The following MFSD11 variants were observed in gnomAD, a reference collection of about 807,000 sequenced individuals.
MFSD11 encodes the protein major facilitator superfamily domain containing 11.
A neutral mutation model predicts 53.5 loss-of-function variants in MFSD11; 36 were observed. That is an observed-to-expected ratio of 0.67 (90% CI 0.52 to 0.89). MFSD11 has a LOEUF of 0.89. Ranked by LOEUF, MFSD11 falls within the 40% of genes least tolerant of loss-of-function variation. MFSD11 has a pLI of 0.00. For missense variants in MFSD11, 530 were observed against 543.9 expected, an observed-to-expected ratio of 0.97 and a Z score of 0.25; for synonymous variants, 186 against 184.9, an observed-to-expected ratio of 1.01 and a Z score of -0.05.
chr17:76,765,771 A>G (rs1227607382), intron 8 of MFSD11, among the ~76,000 whole-genome samples: 1 of 152,088 alleles, frequency 6.6e-6, no homozygotes, highest in Non-Finnish European at 1.5e-5. Flanking sequence ...TTTAGGATCA[A>G]TCTATTTCTG....
At chr17:76,749,688 G>A (rs1425109314) in intron 7 of MFSD11, among the ~76,000 whole-genome samples, 3 of 151,990 alleles carry the variant, frequency 2.0e-5, no homozygotes, top group East Asian at 3.9e-4. Context: ...TCAGGAGATC[G>A]AGACCATCCT....
chr17:76,767,488 T>G, intron 9 of MFSD11, 37 bp downstream of exon 9: 2 of 1,298,544 alleles, frequency 1.5e-6, no homozygotes, highest in Non-Finnish European at 1.1e-6. Context: ...TCTTGCTGCA[T>G]AATGACAATA....
chr17:76,753,687 C>CAAAA (rs11393515), intron 7 of MFSD11, among the ~76,000 whole-genome samples: 5 of 127,182 alleles, frequency 3.9e-5, no homozygotes, highest in Admixed American at 8.3e-5. Flanking sequence ...GACCCTGTCT[C>CAAAA]AAAAAAAAAA....
At chr17:76,765,988 G>A (rs1019454943) in intron 8 of MFSD11, among the ~76,000 whole-genome samples, 2 of 151,016 alleles carry the variant, frequency 1.3e-5, no homozygotes, top group Non-Finnish European at 2.9e-5. Flanking sequence ...CATGGTTTAC[G>A]TTAGGATTCA....
chr17:76,769,556 C>T (rs555215090), intron 9 of MFSD11, 190 bp from the exon 10 acceptor site: 65 of 463,644 alleles, frequency 1.4e-4, no homozygotes, highest in African/African-American at 1.2e-3. Context: ...AACATTTAGT[C>T]CATAGCATGA....
chr17:76,766,334 G>A (rs1455107676), intron 8 of MFSD11, among the ~76,000 whole-genome samples: 1 of 149,598 alleles, frequency 6.7e-6, no homozygotes, highest in Admixed American at 6.7e-5. Context: ...CAGGAGAATC[G>A]CTTGAACCCT....
the MFSD11 span, among the ~76,000 whole-genome samples, chr17:76,798,145 C>G: frequency 6.6e-6 from 1 of 152,156 alleles, no homozygotes; most frequent in Non-Finnish European, 1.5e-5. Context: ...ACCTCAGCCT[C>G]CCAAAGTGCT....
chr17:76,794,725 C>G, the MFSD11 span, among the ~76,000 whole-genome samples: 1 of 115,618 alleles, frequency 8.6e-6, no homozygotes, highest in African/African-American at 3.4e-5. Context: ...TGGAGTGTCA[C>G]TCTGTCACTC....
the MFSD11 span, among the ~76,000 whole-genome samples, chr17:76,802,000 G>T: frequency 6.6e-6 from 1 of 152,024 alleles, no homozygotes; most frequent in South Asian, 2.1e-4. Context: ...TACTGGGCTG[G>T]GCACGGTGGC....
chr17:76,767,689 C>A (rs60052595), intron 9 of MFSD11, among the ~76,000 whole-genome samples: 12,999 of 151,896 alleles, frequency 0.086, 1,814 homozygotes, highest in African/African-American at 0.29. Context: ...CTCTCCATCT[C>A]CACGACCCCC....
intron 7 of MFSD11, among the ~76,000 whole-genome samples, chr17:76,748,254 A>G (rs886682993): frequency 5.3e-5 from 8 of 152,294 alleles, no homozygotes; most frequent in Middle Eastern, 3.4e-3. Flanking sequence ...GGGTCAGATT[A>G]TGTAAGCCAA....
chr17:76,794,430 T>C, the MFSD11 span, among the ~76,000 whole-genome samples: 1 of 147,110 alleles, frequency 6.8e-6, no homozygotes, highest in Non-Finnish European at 1.5e-5. Flanking sequence ...TGAGCCTAGA[T>C]CACGCCACTG....
At chr17:76,765,965 A>G (rs528595806) in intron 8 of MFSD11, among the ~76,000 whole-genome samples, 97 of 151,470 alleles carry the variant, frequency 6.4e-4, no homozygotes, top group Non-Finnish European at 1.2e-3. Context: ...ACATGTCGTT[A>G]TCACCTAAAG....
At chr17:76,787,416 C>T in the MFSD11 span, among the ~76,000 whole-genome samples, 1 of 150,164 alleles carries the variant, frequency 6.7e-6, no homozygotes, top group South Asian at 2.2e-4. Flanking sequence ...GGATTACAGG[C>T]ATGAGCCACC....
intron 2 of MFSD11, 131 bp downstream of exon 2, chr17:76,739,124 G>A: frequency 1.4e-6 from 1 of 701,050 alleles, no homozygotes; most frequent in Non-Finnish European, 2.5e-6. Context: ...TGCCTAGACT[G>A]AGAGAACATA....
At chr17:76,736,885 G>A (rs756005065), upstream of MFSD11, 5 of 1,611,906 alleles carry the variant, frequency 3.1e-6, no homozygotes, top group South Asian at 2.2e-5. Context: ...GGGGGCGGCC[G>A]TAGCGCGCCA....
the MFSD11 span, among the ~76,000 whole-genome samples, chr17:76,797,033 G>A: frequency 6.6e-6 from 1 of 152,124 alleles, no homozygotes; most frequent in Non-Finnish European, 1.5e-5. Context: ...GCCAGCTGTG[G>A]TGGCAGGCGC....
chr17:76,774,958 C>T (rs764688195), intron 10 of MFSD11, 39 bp from the exon 11 acceptor site: 19 of 1,591,694 alleles, frequency 1.2e-5, no homozygotes, highest in African/African-American at 4.0e-5. Flanking sequence ...TGTGATGTTT[C>T]GGCAACATTA....
chr17:76,798,498 A>G, the MFSD11 span, among the ~76,000 whole-genome samples: 2 of 152,166 alleles, frequency 1.3e-5, no homozygotes, highest in African/African-American at 4.8e-5. Context: ...TTGTGAGACT[A>G]TATGGGGACC....
Sources: allele counts gnomAD v4.1 joint callset (sites outside exome capture counted in the v4.1 genomes callset), GRCh38; gene constraint gnomAD v4.1.1; transcripts MANE v1.5; gene names NCBI Gene and HGNC (gene_info 2026-07-23, HGNC 2026-07-21).